ERC1: variants seen among roughly 807,000 people sequenced by gnomAD.
The protein encoded by ERC1 is RAB6 interacting protein 2.
Under a neutral mutation model 132.0 loss-of-function variants are expected in ERC1, and 56 were observed. The ratio of observed to expected loss-of-function variants is 0.42; its 90% CI spans 0.34 to 0.53. The LOEUF (loss-of-function observed/expected upper bound fraction) is 0.53. Among genes scored for constraint, ERC1 ranks in the 20% least tolerant of loss-of-function variants. ERC1 has a pLI of 0.03. For missense variants in ERC1, 1,202 were observed against 1,349.9 expected, an observed-to-expected ratio of 0.89 and a Z score of 1.72; for synonymous variants, 478 against 476.1, an observed-to-expected ratio of 1.00 and a Z score of -0.05.
chr12:1,148,614 T>A (rs1357127732), intron 8 of ERC1, among the ~76,000 whole-genome samples: 1 of 152,152 alleles, frequency 6.6e-6, no homozygotes, highest in African/African-American at 2.4e-5. Flanking sequence ...TAATTAATTA[T>A]TTTTTGAGAC....
At chr12:1,019,913 T>A (rs34012460) in intron 1 of ERC1, among the ~76,000 whole-genome samples, 7,356 of 151,974 alleles carry the variant, frequency 0.048, 272 homozygotes, top group Non-Finnish European at 0.062. Flanking sequence ...GGCTATTTTT[T>A]TTTTTATTTT....
intron 5 of ERC1, 61 bp downstream of exon 5, chr12:1,110,408 T>A: frequency 7.1e-7 from 1 of 1,412,284 alleles, no homozygotes; most frequent in Non-Finnish European, 9.7e-7. Flanking sequence ...GCATATTTTT[T>A]ACTTCTCTAG....
At chr12:1,167,442 A>C (rs1952535657) in intron 8 of ERC1, among the ~76,000 whole-genome samples, 1 of 152,242 alleles carries the variant, frequency 6.6e-6, no homozygotes, top group South Asian at 2.1e-4. Context: ...CACGTGAAGA[A>C]GTTATTAAAT....
chr12:1,489,302 C>A (rs1181733178), intron 18 of ERC1, among the ~76,000 whole-genome samples: 2 of 152,186 alleles, frequency 1.3e-5, no homozygotes, highest in Non-Finnish European at 1.5e-5. Flanking sequence ...AGACCCCACG[C>A]CTCTTTAGTA....
chr12:1,082,315 C>T (rs537744492), intron 2 of ERC1, among the ~76,000 whole-genome samples: 40 of 151,798 alleles, frequency 2.6e-4, no homozygotes, highest in African/African-American at 8.5e-4. Flanking sequence ...CGTGAACCAC[C>T]GTGCCTGGCC....
chr12:1,083,580 G>A lies in ERC1; in HGVS notation c.1086G>A (p.Glu362=). 6.4e-7 allele frequency: 1 copy of A among 1,572,710 alleles called. No homozygotes were observed. The highest frequency in any genetic ancestry group is 8.6e-7 in the Non-Finnish European group (1 of 1,165,222). The stretch of plus-strand genomic sequence containing the variant: ...AAAAAGAGAACAGTATGTTGAGAGA[G>A]GTATGTGACTACTTTTTTAGTTTTA... ...QKEKENSMLR[E]EMHRRFENAP... The change falls in exon 3 of 19, where the codon GAG becomes GAA. Residue 362 remains glutamate, a splice_region_variant and synonymous_variant. Coordinates refer to ENST00000360905, the MANE Select transcript of ERC1 (RefSeq NM_178040.4).
At chr12:1,352,681 A>G (rs982939555) in intron 15 of ERC1, among the ~76,000 whole-genome samples, 4 of 152,216 alleles carry the variant, frequency 2.6e-5, no homozygotes, top group Admixed American at 1.3e-4. Flanking sequence ...AGTTTTCTCT[A>G]CTACACTTGT....
At chr12:1,004,334 T>G (rs1477795670) in intron 1 of ERC1, among the ~76,000 whole-genome samples, 2 of 152,172 alleles carry the variant, frequency 1.3e-5, no homozygotes, top group East Asian at 3.9e-4. Flanking sequence ...CCCATTATTA[T>G]GGCCAGTTAC....
At chr12:1,082,570 A>G (rs1329795653) in intron 2 of ERC1, among the ~76,000 whole-genome samples, 1 of 148,932 alleles carries the variant, frequency 6.7e-6, no homozygotes, top group Non-Finnish European at 1.5e-5. Context: ...GGCTCACTGC[A>G]ATTCCCACCT....
chr12:1,371,481 G>C (rs1423906611), intron 15 of ERC1, among the ~76,000 whole-genome samples: 2 of 151,924 alleles, frequency 1.3e-5, no homozygotes, highest in Non-Finnish European at 2.9e-5. Flanking sequence ...CTCAAAATGG[G>C]GGTACTGATA....
At chr12:1,165,795 T>C (rs559754055) in intron 8 of ERC1, among the ~76,000 whole-genome samples, 2 of 152,348 alleles carry the variant, frequency 1.3e-5, no homozygotes, top group African/African-American at 4.8e-5. Context: ...ATGGAATTTT[T>C]TTTCCAATCG....
intron 18 of ERC1, among the ~76,000 whole-genome samples, chr12:1,476,270 A>C (rs1241710146): frequency 6.6e-6 from 1 of 150,732 alleles, no homozygotes; most frequent in Non-Finnish European, 1.5e-5. Context: ...AAAAAAAAAA[A>C]CTTAGCCAGG....
chr12:1,400,916 ATTTTTTTTTTTTTTTTTTTT>A (rs869202443), intron 16 of ERC1, among the ~76,000 whole-genome samples: 6 of 15,058 alleles, frequency 4.0e-4, no homozygotes, highest in East Asian at 6.8e-3. Context: ...CTATTTTTGT[ATTTTTTTTTTTTTTTTTTTT>A]TTTTTTTTTT....
At chr12:1,405,405 T>C (rs184034122) in intron 16 of ERC1, among the ~76,000 whole-genome samples, 1 of 151,914 alleles carries the variant, frequency 6.6e-6, no homozygotes, top group Admixed American at 6.5e-5. Context: ...TGGGACTCAC[T>C]AAATATCCAT....
chr12:1,485,278 C>T (rs2094192083), intron 18 of ERC1, among the ~76,000 whole-genome samples: 2 of 144,710 alleles, frequency 1.4e-5, no homozygotes, highest in South Asian at 4.5e-4. Context: ...GATCTTAGCC[C>T]ACTGCAACCT....
intron 15 of ERC1, among the ~76,000 whole-genome samples, chr12:1,353,281 C>T (rs146475749): frequency 0.016 from 2,485 of 152,126 alleles, 71 homozygotes; most frequent in African/African-American, 0.056. Flanking sequence ...CCGCCTGCCT[C>T]GGCCTCCCAA....
At chr12:1,193,338 C>T (rs1362634928) in intron 12 of ERC1, among the ~76,000 whole-genome samples, 1 of 151,840 alleles carries the variant, frequency 6.6e-6, no homozygotes, top group Non-Finnish European at 1.5e-5. Flanking sequence ...AATATTTTCC[C>T]CAATTAAATC....
intron 13 of ERC1, among the ~76,000 whole-genome samples, chr12:1,243,429 G>A (rs972931401): frequency 1.3e-5 from 2 of 151,812 alleles, no homozygotes; most frequent in Non-Finnish European, 2.9e-5. Context: ...GTAATGAAAC[G>A]TGAGAGATAC....
At chr12:1,017,950 C>T (rs955126107) in intron 1 of ERC1, among the ~76,000 whole-genome samples, 2 of 152,108 alleles carry the variant, frequency 1.3e-5, no homozygotes, top group Non-Finnish European at 2.9e-5. Flanking sequence ...ATATTTTCTG[C>T]GTGTGATTGC....
Sources: gnomAD v4.1 joint callset for allele counts (sites outside exome capture counted in the v4.1 genomes callset) on GRCh38, gnomAD v4.1.1 for gene constraint, MANE v1.5 for transcripts, NCBI Gene and HGNC (gene_info 2026-07-23, HGNC 2026-07-21) for gene names.